Variants in THADA observed in about 807,000 individuals in gnomAD.
THADA encodes tRNA (32-2'-O)-methyltransferase regulator THADA.
In THADA, 213 loss-of-function variants were observed where a neutral mutation model predicts 219.8. The observed-to-expected ratio is 0.97, with a 90% CI of 0.87 to 1.09. THADA has a LOEUF of 1.09. Ranked by LOEUF, THADA falls within the 50% of genes least tolerant of loss-of-function variation. THADA has a pLI of 0.00. For missense variants in THADA, 2,956 were observed against 2,311.3 expected, an observed-to-expected ratio of 1.28 and a Z score of -5.72; for synonymous variants, 1,018 against 828.9, an observed-to-expected ratio of 1.23 and a Z score of -3.92.
At chr2:43,409,128 A>G (rs1384445532) in intron 28 of THADA, among the ~76,000 whole-genome samples, 3 of 152,220 alleles carry the variant, frequency 2.0e-5, no homozygotes, top group Non-Finnish European at 4.4e-5. Context: ...TCCCAGTGCC[A>G]TCAGCTAAAA....
Position 43,574,491 on chromosome 2 carries a change from G to C in THADA, c.1574C>G (p.Thr525Ser). 1.2e-6 allele frequency: 2 copies of C among 1,613,886 alleles called. No individual in the cohort carries two copies. The highest frequency in any genetic ancestry group is 1.7e-6 in the Non-Finnish European group (2 of 1,179,876). The part of the protein sequence containing the change: ...ESSWIDQWHE[T>S]WVSPLLFILC... ...TATAAAAAGGAGAGGAGAAACCCAA[G>C]TCTCATGCCACTGGTCAATCCAAGA... Residue 525 changes from threonine to serine, a missense_variant, in exon 11 of 38, where the codon ACT becomes AGT. Thr to Ser is a moderately conservative substitution (Grantham distance 58). Coordinates refer to ENST00000405975, the MANE Select transcript of THADA (RefSeq NM_022065.5).
chr2:43,570,302 G>A (rs1020639757), intron 14 of THADA, 86 bp downstream of exon 14: 76 of 1,297,100 alleles, frequency 5.9e-5, no homozygotes, highest in Non-Finnish European at 7.7e-5. Flanking sequence ...TTTACCAAGA[G>A]ACTTCCATTT....
intron 26 of THADA, among the ~76,000 whole-genome samples, chr2:43,480,284 C>G (rs888404115): frequency 5.9e-5 from 9 of 152,168 alleles, no homozygotes; most frequent in Non-Finnish European, 1.5e-5. Flanking sequence ...TCTGGCATGG[C>G]CCACGCACTA....
intron 25 of THADA, among the ~76,000 whole-genome samples, chr2:43,492,903 T>C (rs981284732): frequency 6.6e-6 from 1 of 151,900 alleles, no homozygotes; most frequent in Non-Finnish European, 1.5e-5. Context: ...TACATATGAG[T>C]GAATTAGAAA....
chr2:43,327,852 G>A (rs564808641), intron 30 of THADA, among the ~76,000 whole-genome samples: 78 of 152,272 alleles, frequency 5.1e-4, no homozygotes, highest in African/African-American at 1.7e-3. Flanking sequence ...CTGAGGATAC[G>A]CTGAATGGCT....
chr2:43,540,681 C>A (rs906835305), intron 21 of THADA, among the ~76,000 whole-genome samples: 1 of 152,134 alleles, frequency 6.6e-6, no homozygotes, highest in Non-Finnish European at 1.5e-5. Context: ...TGAACAGTCC[C>A]AGATGGTGAA....
chr2:43,235,112 T>G (rs1421711248), intron 36 of THADA, among the ~76,000 whole-genome samples: 1 of 151,626 alleles, frequency 6.6e-6, no homozygotes, highest in Non-Finnish European at 1.5e-5. Context: ...CCTGAGTAAC[T>G]GGGATTACAG....
At chr2:43,539,729 G>A (rs1695060013) in intron 21 of THADA, among the ~76,000 whole-genome samples, 1 of 151,924 alleles carries the variant, frequency 6.6e-6, no homozygotes, top group Admixed American at 6.6e-5. Context: ...AAACAGTCAG[G>A]ATCTTATTTT....
At chr2:43,345,842 C>T (rs911948578) in intron 29 of THADA, among the ~76,000 whole-genome samples, 2 of 152,224 alleles carry the variant, frequency 1.3e-5, no homozygotes, top group Admixed American at 6.5e-5. Context: ...TTTTCAAATG[C>T]TTCTCATTTA....
intron 36 of THADA, 129 bp from the exon 37 acceptor site, chr2:43,233,011 G>T: frequency 1.0e-6 from 1 of 969,450 alleles, no homozygotes; most frequent in Non-Finnish European, 1.5e-6. Flanking sequence ...AGGGAAGCTG[G>T]TAGGGTGGGC....
intron 26 of THADA, among the ~76,000 whole-genome samples, chr2:43,480,406 G>A (rs958297247): frequency 3.9e-5 from 6 of 152,196 alleles, no homozygotes; most frequent in African/African-American, 7.2e-5. Flanking sequence ...GTCCCCTAGG[G>A]CAGAGAGTAT....
intron 3 of THADA, among the ~76,000 whole-genome samples, chr2:43,591,653 T>C (rs1012002123): frequency 3.3e-5 from 5 of 152,214 alleles, no homozygotes; most frequent in Non-Finnish European, 5.9e-5. Flanking sequence ...TTTAAATGTG[T>C]CTGCTAAAAA....
intron 31 of THADA, among the ~76,000 whole-genome samples, chr2:43,296,777 A>T: frequency 6.6e-6 from 1 of 152,178 alleles, no homozygotes; most frequent in East Asian, 1.9e-4. Context: ...TTCAAAAGGA[A>T]TTTCATTTAT....
intron 21 of THADA, among the ~76,000 whole-genome samples, chr2:43,539,889 G>C (rs1247465060): frequency 2.0e-5 from 3 of 151,600 alleles, no homozygotes; most frequent in Non-Finnish European, 2.9e-5. Flanking sequence ...CATAAGATTT[G>C]GGTGCTATGT....
intron 1 of THADA, among the ~76,000 whole-genome samples, chr2:43,593,578 C>T (rs1030721879): frequency 1.3e-5 from 2 of 151,306 alleles, no homozygotes; most frequent in African/African-American, 4.9e-5. Flanking sequence ...CTTAAAACAG[C>T]TGCTAGACTG....
chr2:43,248,133 AT>A, intron 36 of THADA, among the ~76,000 whole-genome samples: 1 of 25,774 alleles, frequency 3.9e-5, no homozygotes, highest in Admixed American at 5.2e-4. Context: ...ATACAGAAAT[AT>A]ATATATATAT....
intron 22 of THADA, among the ~76,000 whole-genome samples, chr2:43,519,049 A>G (rs1417650062): frequency 6.6e-6 from 1 of 151,846 alleles, no homozygotes; most frequent in Non-Finnish European, 1.5e-5. Flanking sequence ...GCTTTTTGCC[A>G]ATGTTATTGG....
intron 36 of THADA, among the ~76,000 whole-genome samples, chr2:43,276,393 T>A (rs753535998): frequency 2.6e-5 from 4 of 152,036 alleles, no homozygotes; most frequent in South Asian, 4.1e-4. Context: ...GCAAAAAAGG[T>A]GAATAAGAAA....
chr2:43,264,976 C>T (rs564121205), intron 36 of THADA, among the ~76,000 whole-genome samples: 4 of 152,372 alleles, frequency 2.6e-5, no homozygotes, highest in South Asian at 4.1e-4. Context: ...CGATGGGGAC[C>T]AGCACTGCAT....
Sources: allele counts gnomAD v4.1 joint callset (sites outside exome capture counted in the v4.1 genomes callset), GRCh38; gene constraint gnomAD v4.1.1; transcripts MANE v1.5; gene names NCBI Gene and HGNC (gene_info 2026-07-23, HGNC 2026-07-21).